LRRK1: variants seen among roughly 807,000 people sequenced by gnomAD.
LRRK1 encodes leucine rich repeat kinase 1, also known as leucine-rich repeat serine/threonine-protein kinase 1.
A neutral mutation model predicts 209.1 loss-of-function variants in LRRK1; 113 were observed. The observed-to-expected ratio is 0.54, with a 90% CI of 0.46 to 0.63. LRRK1 has a LOEUF of 0.63. LRRK1 is among the 30% of genes least tolerant of loss of function. The pLI, the probability that LRRK1 is intolerant of heterozygous loss-of-function variation, is 0.00. For missense variants in LRRK1, 2,284 were observed against 2,632.2 expected, an observed-to-expected ratio of 0.87 and a Z score of 2.89; for synonymous variants, 1,144 against 1,099.7, an observed-to-expected ratio of 1.04 and a Z score of -0.80.
chr15:101,005,881 T>C (rs2032926260), intron 6 of LRRK1, among the ~76,000 whole-genome samples: 1 of 152,228 alleles, frequency 6.6e-6, no homozygotes, highest in South Asian at 2.1e-4. Flanking sequence ...TACAGAAGAA[T>C]GCCAGGTAAT....
chr15:101,058,525 T>G (rs2035947453), intron 29 of LRRK1, among the ~76,000 whole-genome samples: 1 of 144,630 alleles, frequency 6.9e-6, no homozygotes, highest in East Asian at 2.1e-4. Flanking sequence ...TTAGAAAATT[T>G]AAAACATTTT....
chr15:100,983,712 G>A lies in LRRK1; in HGVS notation c.433+13G>A, dbSNP rs368417776. On this transcript the variant is annotated intron_variant, in intron 4 of 33. Transcript: ENST00000388948. ...GAGTCCTTACCAGGTAAATCACAGGGCATGAGCTCTTAACCGTGTCTCAGG... is the reference window on the plus strand; with the variant it reads ...GAGTCCTTACCAGGTAAATCACAGGACATGAGCTCTTAACCGTGTCTCAGG... 14 of 1,610,220 alleles carry A rather than the reference G, an allele frequency of 8.7e-6. No individual in the cohort carries two copies. In the African/African-American group the frequency reaches 1.5e-4, roughly 17 times the overall value.
rs909727076 is a variant in LRRK1, at chr15:101,072,675, T to C, written c.*3827T>C. The stretch of plus-strand genomic sequence containing the variant: ...TGACTTAACTGATGACATTATCTTA[T>C]GAAATTCCTTCTCCTGGCTCATCCT... On this transcript the variant is annotated 3_prime_UTR_variant, in exon 34 of 34. Coordinates refer to ENST00000388948, the MANE Select transcript of LRRK1 (RefSeq NM_024652.6). The C allele has an allele frequency of 6.5e-6, 1 of 152,912 alleles. No individual in the cohort carries two copies. Among genetic ancestry groups the C allele is most frequent in the Admixed American group, 6.5e-5 (1 of 15,288 alleles). The allele number at this position is 152,912 out of a possible 1,614,324, so 9.5% of individuals were successfully genotyped here.
intron 29 of LRRK1, among the ~76,000 whole-genome samples, chr15:101,060,910 TCGTACTGGGGGCAAC>T (rs554193789): frequency 4.5e-4 from 68 of 152,364 alleles, no homozygotes; most frequent in Admixed American, 5.9e-4. Flanking sequence ...GGCCCCTCCT[TCGTACTGGGGGCAAC>T]CGTCTCAACC....
At position 101,071,647 on chromosome 15, in the gene LRRK1, C is replaced by A. The variant is rs565870925; in HGVS notation, c.*2799C>A. ...TCAGGTGATCCGCCCGCCTCATCCT[C>A]CCAAAGTGCTGGGATTACAGGTGTG... is the stretch of plus-strand genomic sequence containing the variant. On this transcript the variant is annotated 3_prime_UTR_variant, in exon 34 of 34. Transcript: ENST00000388948. 6.6e-6 allele frequency: 1 copy of A among 152,348 alleles called. No individual in the cohort carries two copies. Among genetic ancestry groups the A allele is most frequent in the Non-Finnish European group, 1.5e-5 (1 of 68,052 alleles). The allele number at this position is 152,348 out of a possible 1,614,324, so 9.4% of individuals were successfully genotyped here. A position where few individuals can be genotyped will look rare whatever the true frequency, so the allele number is the denominator to read the frequency against.
intron 23 of LRRK1, 119 bp downstream of exon 23, chr15:101,049,902 G>A (rs982820315): frequency 8.6e-7 from 1 of 1,169,016 alleles, no homozygotes; most frequent in African/African-American, 1.5e-5. Flanking sequence ...AAGAAAACTA[G>A]GGGGTCTTAA....
In LRRK1 at chr15:101,068,792, T is replaced by C. The variant is rs760287550; in HGVS notation, c.5992T>C (p.Tyr1998His). 14 of 1,613,112 alleles carry C rather than the reference T, an allele frequency of 8.7e-6. No homozygotes were observed. The Middle Eastern group carries it at 5.3e-4, about 61-fold the overall frequency. Residue 1998 changes from tyrosine to histidine, a missense_variant, in exon 34 of 34, where the codon TAC becomes CAC. By Grantham distance (83) the Tyr-to-His change is moderately conservative. Coordinates refer to ENST00000388948, the MANE Select transcript of LRRK1 (RefSeq NM_024652.6). ...GGGCGCCAGGGAGTTCGACATTTTC[T>C]ACCAGTCCTACGAGGAGCTGGGCCG... ...GWGAREFDIF[Y>H]QSYEELGRLE...
intron 2 of LRRK1, among the ~76,000 whole-genome samples, chr15:100,969,460 C>T (rs1012458354): frequency 6.6e-6 from 1 of 152,028 alleles, no homozygotes; most frequent in Non-Finnish European, 1.5e-5. Context: ...ATGTTTAGGT[C>T]CATGATTCAT....
At chr15:101,013,272 C>T (rs923404362) in intron 10 of LRRK1, among the ~76,000 whole-genome samples, 2 of 152,112 alleles carry the variant, frequency 1.3e-5, no homozygotes, top group African/African-American at 2.4e-5. Flanking sequence ...GGCGTGAGCC[C>T]CTTCAACAAG....
At chr15:100,995,179 G>A (rs756289989) in intron 6 of LRRK1, among the ~76,000 whole-genome samples, 4 of 152,118 alleles carry the variant, frequency 2.6e-5, no homozygotes, top group Non-Finnish European at 5.9e-5. Context: ...ATGTGCCATC[G>A]TGTTTTTTGT....
intron 12 of LRRK1, among the ~76,000 whole-genome samples, chr15:101,020,043 C>T (rs2033706306): frequency 6.6e-6 from 1 of 152,164 alleles, no homozygotes; most frequent in African/African-American, 2.4e-5. Flanking sequence ...TAAAAACAGC[C>T]AACTGTGGTA....
At chr15:100,929,850 TGAG>T (rs2042177642) in intron 2 of LRRK1, among the ~76,000 whole-genome samples, 1 of 151,970 alleles carries the variant, frequency 6.6e-6, no homozygotes, top group Admixed American at 6.6e-5. Context: ...TTTTAATGAG[TGAG>T]GAGAAGGACA....
chr15:101,023,342 G>T (rs1464108901), intron 15 of LRRK1, among the ~76,000 whole-genome samples: 5 of 152,212 alleles, frequency 3.3e-5, no homozygotes, highest in African/African-American at 4.8e-5. Flanking sequence ...AAAATTTTTT[G>T]AGTCCATCCA....
chr15:100,931,672 C>A (rs115535808), intron 2 of LRRK1, among the ~76,000 whole-genome samples: 84 of 152,270 alleles, frequency 5.5e-4, no homozygotes, highest in African/African-American at 2.0e-3. Context: ...AGGGCTCCTC[C>A]AGTCATTCTG....
Position 101,022,624 on chromosome 15 carries a change from C to G in LRRK1, c.2067+27C>G, listed in dbSNP as rs376395009. On this transcript the variant is annotated intron_variant, in intron 15 of 33. Transcript: ENST00000388948. The surrounding 1 kb of genome is among the most constrained non-coding windows in gnomAD (Gnocchi z 4.0). The stretch of plus-strand genomic sequence containing the variant: ...TCAAGGATGGTCTGCGTGCAGAGTC[C>G]CTGTGGGTGGGAGGAACATCCCTTG... 1,256 of 1,502,838 alleles carry G rather than the reference C, an allele frequency of 8.4e-4. 2 individuals are homozygous for G. Among genetic ancestry groups the G allele is most frequent in the Non-Finnish European group, 9.4e-4 (1,035 of 1,098,532 alleles). 93.1% of individuals were successfully genotyped at this position (1,502,838 alleles called of 1,614,324 possible). A position where few individuals can be genotyped will look rare whatever the true frequency, so the allele number is the denominator to read the frequency against.
intron 9 of LRRK1, among the ~76,000 whole-genome samples, chr15:101,011,577 A>T (rs1324387254): frequency 9.0e-6 from 1 of 110,862 alleles, no homozygotes; most frequent in South Asian, 3.2e-4. Flanking sequence ...ATGGAATAGC[A>T]TGAAGAATGT....
intron 2 of LRRK1, among the ~76,000 whole-genome samples, chr15:100,958,074 T>C (rs1358754426): frequency 6.6e-6 from 1 of 152,230 alleles, no homozygotes; most frequent in African/African-American, 2.4e-5. Context: ...CAGGCTGGTC[T>C]CAAACTCCTG....
At position 101,077,298 on chromosome 15, in the gene LRRK1, T is replaced by C. The variant is rs1484752824; in HGVS notation, c.*8450T>C. ...GTCATCCCTACTATCTTCTGTCTAG[T>C]CGTACTCCTATTCACCATTCTCAAC... On this transcript the variant is annotated 3_prime_UTR_variant, in exon 34 of 34. Coordinates refer to ENST00000388948, the MANE Select transcript of LRRK1 (RefSeq NM_024652.6). The C allele has an allele frequency of 2.0e-5, 3 of 152,256 alleles. No homozygotes were observed. Among genetic ancestry groups the C allele is most frequent in the Admixed American group, 2.0e-4 (3 of 15,290 alleles). 9.4% of individuals were successfully genotyped at this position (152,256 alleles called of 1,614,324 possible).
chr15:100,922,823 C>T (rs2042043413), intron 1 of LRRK1, among the ~76,000 whole-genome samples: 1 of 129,118 alleles, frequency 7.7e-6, no homozygotes, highest in Non-Finnish European at 1.6e-5. Flanking sequence ...TTTGTGTCGA[C>T]CATCCCTTTT....
Sources: gnomAD v4.1 joint callset for allele counts (sites outside exome capture counted in the v4.1 genomes callset) on GRCh38, gnomAD v4.1.1 for gene constraint, Gnocchi (gnomAD v3.1) non-coding constraint, MANE v1.5 for transcripts, NCBI Gene and HGNC (gene_info 2026-07-23, HGNC 2026-07-21) for gene names.